The following RHBDD1 variants were observed in gnomAD, a reference collection of about 807,000 sequenced individuals.
The protein encoded by RHBDD1 is rhomboid-related protein 4.
In RHBDD1, 38 loss-of-function variants were observed where a neutral mutation model predicts 36.3. The observed-to-expected ratio is 1.05, with a 90% CI of 0.81 to 1.37. The LOEUF (loss-of-function observed/expected upper bound fraction) is 1.37, where lower values mean the gene tolerates loss of function less well. RHBDD1 is among the 40% of genes most tolerant of loss of function. RHBDD1 has a pLI of 0.00. For missense variants in RHBDD1, 393 were observed against 377.6 expected (o/e 1.04, Z -0.34); for synonymous variants, 151 against 136.5 (o/e 1.11, Z -0.74).
chr2:226,883,859 G>GA (rs1365763544), intron 5 of RHBDD1, among the ~76,000 whole-genome samples: 1 of 152,162 alleles, frequency 6.6e-6, no homozygotes, highest in Non-Finnish European at 1.5e-5. Context: ...TATTTTACAG[G>GA]AAAAGGGTGT....
At chr2:226,907,833 G>A (rs925367601) in intron 6 of RHBDD1, among the ~76,000 whole-genome samples, 26 of 152,294 alleles carry the variant, frequency 1.7e-4, no homozygotes, top group African/African-American at 6.0e-4. Context: ...AGAGGAGGCA[G>A]TGGGAGCTTC....
rs574665115 is a variant in RHBDD1, at chr2:226,916,899, A to G, written c.856+2548A>G. Among the ~76,000 whole-genome samples the G allele has an allele frequency of 5.9e-5, 9 of 152,282 alleles. No individual in the cohort carries two copies. In the South Asian group the frequency reaches 1.9e-3, roughly 32 times the overall value. ...GTGTCTTTTTTGAAAGAGAAAGAAA[A>G]TAATGACTTCCCTCAGTAATTTGGG... On this transcript the variant is annotated intron_variant, in intron 8 of 8. Coordinates refer to ENST00000392062, the MANE Select transcript of RHBDD1 (RefSeq NM_001167608.3).
intron 8 of RHBDD1, among the ~76,000 whole-genome samples, chr2:226,936,448 G>A (rs1950334876): frequency 6.6e-6 from 1 of 152,064 alleles, no homozygotes; most frequent in Admixed American, 6.6e-5. Flanking sequence ...GAATTTAAAT[G>A]TTTGGGAAAC....
chr2:226,884,327 A>C (rs1001822377), intron 5 of RHBDD1, among the ~76,000 whole-genome samples: 2 of 152,166 alleles, frequency 1.3e-5, no homozygotes, highest in Non-Finnish European at 2.9e-5. Flanking sequence ...TGGGGCTATG[A>C]GTTGAAATCA....
intron 2 of RHBDD1, among the ~76,000 whole-genome samples, chr2:226,839,158 AATGT>A (rs1304888156): frequency 3.9e-5 from 6 of 152,244 alleles, no homozygotes; most frequent in African/African-American, 7.2e-5. Context: ...ATTGTATATG[AATGT>A]ATGAGTGCAG....
At chr2:226,895,747 A>G (rs1161988573) in intron 5 of RHBDD1, 2 of 985,312 alleles carry the variant, frequency 2.0e-6, no homozygotes, top group African/African-American at 1.7e-5. Flanking sequence ...CCAGAGCACT[A>G]TTTAGAAACA....
chr2:226,818,744 C>T, the RHBDD1 span, among the ~76,000 whole-genome samples: 2 of 151,828 alleles, frequency 1.3e-5, no homozygotes, highest in African/African-American at 4.8e-5. Context: ...GAGGCTGAGG[C>T]AGGAGAATCG....
chr2:226,852,901 T>TTTATTATTATTG, intron 3 of RHBDD1, among the ~76,000 whole-genome samples: 1 of 125,202 alleles, frequency 8.0e-6, no homozygotes, highest in South Asian at 2.5e-4. Context: ...ACCTGGCTAA[T>TTTATTATTATTG]TTATTATTAT....
At chr2:226,966,663 C>T (rs1952654608) in intron 8 of RHBDD1, among the ~76,000 whole-genome samples, 1 of 152,076 alleles carries the variant, frequency 6.6e-6, no homozygotes, top group East Asian at 1.9e-4. Flanking sequence ...TGCCTGGTGG[C>T]CATTGTATCA....
intron 8 of RHBDD1, among the ~76,000 whole-genome samples, chr2:226,940,030 A>G (rs576615544): frequency 1.8e-4 from 28 of 152,336 alleles, no homozygotes; most frequent in African/African-American, 6.5e-4. Context: ...TTCCCTATTT[A>G]ATAAATGGTG....
At chr2:226,989,889 A>G (rs1957794764) in intron 8 of RHBDD1, among the ~76,000 whole-genome samples, 1 of 152,198 alleles carries the variant, frequency 6.6e-6, no homozygotes, top group African/African-American at 2.4e-5. Context: ...AGAGATCTCC[A>G]TTTCAAGGCT....
chr2:226,954,534 G>A (rs775854416), intron 8 of RHBDD1, among the ~76,000 whole-genome samples: 4 of 152,104 alleles, frequency 2.6e-5, no homozygotes, highest in Non-Finnish European at 5.9e-5. Flanking sequence ...CAAACAAGTT[G>A]CTTTGTTCTT....
At chr2:226,962,531 A>T (rs756729058) in intron 8 of RHBDD1, among the ~76,000 whole-genome samples, 1 of 152,248 alleles carries the variant, frequency 6.6e-6, no homozygotes, top group Non-Finnish European at 1.5e-5. Context: ...TCATATCTGT[A>T]TATGGGCAAA....
intron 4 of RHBDD1, among the ~76,000 whole-genome samples, chr2:226,866,984 A>G (rs925288217): frequency 1.3e-5 from 2 of 152,220 alleles, no homozygotes; most frequent in Non-Finnish European, 2.9e-5. Context: ...ATGAACTTCT[A>G]TATTTAGAAA....
chr2:226,831,116 A>C (rs1477546780), upstream of RHBDD1, among the ~76,000 whole-genome samples: 1 of 152,240 alleles, frequency 6.6e-6, no homozygotes, highest in African/African-American at 2.4e-5. Context: ...TGAATTTGTT[A>C]TCAGGGTAAT....
intron 3 of RHBDD1, among the ~76,000 whole-genome samples, chr2:226,861,960 G>A (rs1233877563): frequency 6.6e-6 from 1 of 152,102 alleles, no homozygotes; most frequent in Non-Finnish European, 1.5e-5. Flanking sequence ...AATACATGGG[G>A]TTTTGCCAAT....
At chr2:226,841,692 A>G (rs911680156) in intron 3 of RHBDD1, among the ~76,000 whole-genome samples, 1 of 152,100 alleles carries the variant, frequency 6.6e-6, no homozygotes, top group African/African-American at 2.4e-5. Flanking sequence ...TTATCCATCT[A>G]TCATTGATGG....
the RHBDD1 span, among the ~76,000 whole-genome samples, chr2:226,815,233 A>C: frequency 6.6e-6 from 1 of 152,182 alleles, no homozygotes; most frequent in Non-Finnish European, 1.5e-5. Context: ...CTCCTTATTC[A>C]TGAACTCTAA....
In RHBDD1 at chr2:226,996,325, G is replaced by A. The variant is rs923048710; in HGVS notation, c.*803G>A. The A allele has an allele frequency of 2.6e-5, 4 of 152,172 alleles. No homozygotes were observed. The highest frequency in any genetic ancestry group is 2.1e-4 in the South Asian group (1 of 4,822). The allele number at this position is 152,172 out of a possible 1,614,324, so 9.4% of individuals were successfully genotyped here. ...GTAGAGCGAAGGCATTTGGTGGATC[G>A]GTCACTAGAGATCTATCTTGCAGAA... On this transcript the variant is annotated 3_prime_UTR_variant, in exon 9 of 9. Transcript: ENST00000392062.
Sources: allele counts gnomAD v4.1 joint callset (sites outside exome capture counted in the v4.1 genomes callset), GRCh38; gene constraint gnomAD v4.1.1; transcripts MANE v1.5; gene names NCBI Gene and HGNC (gene_info 2026-07-23, HGNC 2026-07-21).